The following SLC38A9 variants were observed in gnomAD, a reference collection of about 807,000 sequenced individuals.
The protein encoded by SLC38A9 is neutral amino acid transporter 9.
Under a neutral mutation model 62.3 loss-of-function variants are expected in SLC38A9, and 48 were observed. That is an observed-to-expected ratio of 0.77 (90% CI 0.61 to 0.98). The LOEUF is 0.98. SLC38A9 is among the 50% of genes least tolerant of loss of function. SLC38A9 has a pLI of 0.00. For synonymous variants in SLC38A9, 204 were observed against 227.7 expected (o/e 0.90, Z 0.94); for missense variants, 541 against 679.8 (o/e 0.80, Z 2.27).
chr5:55,638,472 C>CTTGTGAATAAGAAATGG (rs1744833054), intron 12 of SLC38A9, among the ~76,000 whole-genome samples: 1 of 152,132 alleles, frequency 6.6e-6, no homozygotes, highest in South Asian at 2.1e-4. Context: ...CTGACTCTGT[C>CTTGTGAATAAGAAATGG]TTGTGAATAA....
chr5:55,706,920 A>C (rs1004034781), intron 2 of SLC38A9, among the ~76,000 whole-genome samples: 1 of 151,094 alleles, frequency 6.6e-6, no homozygotes, highest in Non-Finnish European at 1.5e-5. Flanking sequence ...GCTCCTGAGA[A>C]TTTCAGGTGA....
chr5:55,710,626 GT>G (rs1033420722), intron 2 of SLC38A9, among the ~76,000 whole-genome samples: 1 of 150,978 alleles, frequency 6.6e-6, no homozygotes, highest in African/African-American at 2.4e-5. Flanking sequence ...TTTTGTTTTT[GT>G]TTTTTTTGAG....
chr5:55,704,174 T>C (rs2150699729), intron 2 of SLC38A9: 1 of 152,102 alleles, frequency 6.6e-6, no homozygotes, highest in Non-Finnish European at 1.5e-5. Flanking sequence ...TCTCAAAAAA[T>C]AAAATAAAAT....
At chr5:55,677,924 TATTGTG>T (rs1425116963) in intron 3 of SLC38A9, among the ~76,000 whole-genome samples, 4 of 115,708 alleles carry the variant, frequency 3.5e-5, no homozygotes, top group African/African-American at 1.1e-4. Flanking sequence ...TTTTTTTCTT[TATTGTG>T]TGTGTGTGTG....
At chr5:55,674,911 T>C (rs1751870251) in intron 3 of SLC38A9, among the ~76,000 whole-genome samples, 1 of 152,218 alleles carries the variant, frequency 6.6e-6, no homozygotes, top group Admixed American at 6.5e-5. Flanking sequence ...AAAATATTTA[T>C]GTCTGGCAGA....
intron 4 of SLC38A9, among the ~76,000 whole-genome samples, chr5:55,672,259 G>A (rs1751449338): frequency 6.6e-6 from 1 of 152,150 alleles, no homozygotes; most frequent in Admixed American, 6.5e-5. Flanking sequence ...ATTAGTCAAT[G>A]GCCTAACTTG....
chr5:55,626,693 T>A (rs1742488701), intron 15 of SLC38A9, 34 bp from the exon 16 acceptor site: 2 of 1,548,328 alleles, frequency 1.3e-6, no homozygotes, highest in Admixed American at 4.1e-5. Flanking sequence ...TTAATATTCA[T>A]CTTGCACTTT....
At chr5:55,686,712 T>C (rs1418973247) in intron 3 of SLC38A9, among the ~76,000 whole-genome samples, 2 of 152,232 alleles carry the variant, frequency 1.3e-5, no homozygotes, top group African/African-American at 4.8e-5. Flanking sequence ...TCCTGAAAGG[T>C]ACTGCCTAGG....
At chr5:55,642,985 C>T (rs182679849) in intron 12 of SLC38A9, among the ~76,000 whole-genome samples, 5 of 152,184 alleles carry the variant, frequency 3.3e-5, no homozygotes, top group Non-Finnish European at 7.3e-5. Context: ...GCAAATCCTT[C>T]CTTCTTTTGC....
chr5:55,696,810 C>T (rs1319421032), intron 3 of SLC38A9: 84 of 157,264 alleles, frequency 5.3e-4, no homozygotes, highest in South Asian at 1.5e-3. Flanking sequence ...TCATACGGGG[C>T]GGCTGCCGGG....
At chr5:55,645,263 C>T (rs2150130296) in intron 12 of SLC38A9, among the ~76,000 whole-genome samples, 1 of 152,232 alleles carries the variant, frequency 6.6e-6, no homozygotes, top group Non-Finnish European at 1.5e-5. Context: ...CCATGTTGCC[C>T]AGGCTGGTCT....
At chr5:55,710,723 C>T (rs1352539969) in intron 2 of SLC38A9, among the ~76,000 whole-genome samples, 1 of 151,950 alleles carries the variant, frequency 6.6e-6, no homozygotes, top group African/African-American at 2.4e-5. Context: ...TCAAGCGATT[C>T]TCCTGCCTCA....
At chr5:55,634,550 T>A (rs1744031513) in intron 13 of SLC38A9, 1 of 152,164 alleles carries the variant, frequency 6.6e-6, no homozygotes, top group South Asian at 2.1e-4. Context: ...ATATTCCTAT[T>A]CCCAAGGGAG....
At chr5:55,699,402 C>T (rs1756355309) in intron 2 of SLC38A9, among the ~76,000 whole-genome samples, 1 of 152,228 alleles carries the variant, frequency 6.6e-6, no homozygotes, top group Non-Finnish European at 1.5e-5. Flanking sequence ...CTTGGTAGCA[C>T]TTCTAGGTAA....
chr5:55,707,224 T>C (rs1757407048), intron 2 of SLC38A9, among the ~76,000 whole-genome samples: 1 of 152,096 alleles, frequency 6.6e-6, no homozygotes, highest in Admixed American at 6.5e-5. Flanking sequence ...ATGAGAAGTA[T>C]AAAATATCCC....
chr5:55,681,571 G>A (rs1044828033), intron 3 of SLC38A9, among the ~76,000 whole-genome samples: 2 of 152,202 alleles, frequency 1.3e-5, no homozygotes, highest in African/African-American at 4.8e-5. Flanking sequence ...AGAGGCTGGA[G>A]ACTGTTTTGC....
At chr5:55,654,213 A>G (rs1748015540) in intron 9 of SLC38A9, among the ~76,000 whole-genome samples, 1 of 152,222 alleles carries the variant, frequency 6.6e-6, no homozygotes, top group Non-Finnish European at 1.5e-5. Context: ...GGCATGCCAC[A>G]AAGCCAAACA....
intron 3 of SLC38A9, 23 bp downstream of exon 3, chr5:55,697,823 T>C: frequency 8.1e-7 from 1 of 1,239,734 alleles, no homozygotes; most frequent in South Asian, 1.4e-5. Context: ...AATTATGAAA[T>C]GTGTTTTATT....
intron 12 of SLC38A9, among the ~76,000 whole-genome samples, chr5:55,636,436 C>G (rs1459201674): frequency 6.6e-6 from 1 of 152,226 alleles, no homozygotes; most frequent in Non-Finnish European, 1.5e-5. Flanking sequence ...GCTCAAAAAT[C>G]TGGTCTTCAT....
Sources: allele counts gnomAD v4.1 joint callset (sites outside exome capture counted in the v4.1 genomes callset), GRCh38; gene constraint gnomAD v4.1.1; transcripts MANE v1.5; gene names NCBI Gene and HGNC (gene_info 2026-07-23, HGNC 2026-07-21).